Variants in WASHC3 observed in about 807,000 individuals in gnomAD.
The protein encoded by WASHC3 is WASH complex subunit 3, also known as WASH complex subunit CCDC53.
A neutral mutation model predicts 26.1 loss-of-function variants in WASHC3; 24 were observed. That is an observed-to-expected ratio of 0.92 (90% CI 0.66 to 1.29). The LOEUF (loss-of-function observed/expected upper bound fraction) is 1.29, where lower values mean the gene tolerates loss of function less well. WASHC3 is among the 50% of genes most tolerant of loss of function. The pLI, the probability that WASHC3 is intolerant of heterozygous loss-of-function variation, is 0.00. For synonymous variants in WASHC3, 77 were observed against 75.7 expected, an observed-to-expected ratio of 1.02 and a Z score of -0.09; for missense variants, 214 against 229.6, an observed-to-expected ratio of 0.93 and a Z score of 0.44.
At chr12:102,041,975 G>C (rs1329190992) in intron 4 of WASHC3, among the ~76,000 whole-genome samples, 2 of 151,986 alleles carry the variant, frequency 1.3e-5, no homozygotes, top group African/African-American at 4.8e-5. Context: ...AAACACAACT[G>C]CATAAGAATT....
intron 4 of WASHC3, 47 bp from the exon 5 acceptor site, chr12:102,040,025 G>T (rs767352405): frequency 1.2e-6 from 1 of 820,966 alleles, no homozygotes; most frequent in South Asian, 2.0e-5. Flanking sequence ...TACAAAAGGG[G>T]TCTATCATGT....
intron 2 of WASHC3, among the ~76,000 whole-genome samples, chr12:102,058,505 C>T (rs935907216): frequency 1.3e-5 from 2 of 151,938 alleles, no homozygotes; most frequent in Admixed American, 1.3e-4. Context: ...TTTTGCACAG[C>T]CAACGAAACC....
At chr12:102,041,025 C>G (rs1246011457) in intron 4 of WASHC3, among the ~76,000 whole-genome samples, 3 of 151,670 alleles carry the variant, frequency 2.0e-5, no homozygotes, top group African/African-American at 7.3e-5. Flanking sequence ...CTGTCAAAAA[C>G]TACAAAGCAA....
At chr12:102,027,181 A>C (rs1445463557) in intron 5 of WASHC3, among the ~76,000 whole-genome samples, 2 of 152,202 alleles carry the variant, frequency 1.3e-5, no homozygotes, top group Admixed American at 1.3e-4. Context: ...TTGCGGTAAG[A>C]ACTTTTAAAA....
chr12:102,038,042 G>A (rs1178045650), intron 5 of WASHC3, among the ~76,000 whole-genome samples: 3 of 152,086 alleles, frequency 2.0e-5, no homozygotes, highest in East Asian at 1.9e-4. Context: ...TGATCCGCCC[G>A]CCTCGGCCTC....
intron 5 of WASHC3, among the ~76,000 whole-genome samples, chr12:102,032,510 A>G (rs1463678259): frequency 6.6e-6 from 1 of 152,192 alleles, no homozygotes; most frequent in Non-Finnish European, 1.5e-5. Flanking sequence ...TATGACAAAC[A>G]TTAAATCAAA....
intron 2 of WASHC3, among the ~76,000 whole-genome samples, chr12:102,049,355 C>T (rs1349615238): frequency 6.6e-6 from 1 of 152,178 alleles, no homozygotes; most frequent in Non-Finnish European, 1.5e-5. Flanking sequence ...GCTGTTCTCA[C>T]CTCTGAAAGT....
intron 2 of WASHC3, among the ~76,000 whole-genome samples, chr12:102,058,655 A>G (rs1048342934): frequency 6.6e-6 from 1 of 152,122 alleles, no homozygotes; most frequent in African/African-American, 2.4e-5. Flanking sequence ...GGTTCCACAA[A>G]AAATTAAAAA....
At chr12:102,022,041 C>T (rs1876982770) in intron 6 of WASHC3, among the ~76,000 whole-genome samples, 1 of 152,122 alleles carries the variant, frequency 6.6e-6, no homozygotes, top group Admixed American at 6.6e-5. Context: ...TCAAAGTCTG[C>T]AGAGTAACTT....
At chr12:102,033,301 T>G (rs1877510235) in intron 5 of WASHC3, among the ~76,000 whole-genome samples, 1 of 152,108 alleles carries the variant, frequency 6.6e-6, no homozygotes, top group Non-Finnish European at 1.5e-5. Flanking sequence ...AGTCTGCAAA[T>G]TAAAGCTTTC....
At chr12:102,028,910 C>T (rs1198023091) in intron 5 of WASHC3, among the ~76,000 whole-genome samples, 1 of 152,028 alleles carries the variant, frequency 6.6e-6, no homozygotes, top group African/African-American at 2.4e-5. Context: ...GGCCTGCTTA[C>T]AGCAGAACAG....
intron 6 of WASHC3, among the ~76,000 whole-genome samples, chr12:102,025,222 A>G (rs902571943): frequency 1.3e-5 from 2 of 152,132 alleles, no homozygotes; most frequent in African/African-American, 4.8e-5. Context: ...TACAGCCCCA[A>G]ATTGGAAAGA....
intron 6 of WASHC3, among the ~76,000 whole-genome samples, chr12:102,025,295 T>G (rs1594351432): frequency 1.3e-5 from 2 of 152,268 alleles, no homozygotes; most frequent in African/African-American, 4.8e-5. Flanking sequence ...TTACGATATA[T>G]TTTATCCAAG....
At chr12:102,046,260 A>G (rs1878159671) in intron 2 of WASHC3, 141 bp from the exon 3 acceptor site, 2 of 540,948 alleles carry the variant, frequency 3.7e-6, no homozygotes, top group Non-Finnish European at 6.7e-6. Context: ...CATGAGTAGG[A>G]ATGAGAACTC....
intron 4 of WASHC3, 99 bp downstream of exon 4, chr12:102,044,006 T>C: frequency 1.9e-6 from 1 of 538,406 alleles, no homozygotes; most frequent in Non-Finnish European, 3.3e-6. Context: ...AATTTTACTA[T>C]TAGAAGTTTT....
chr12:102,014,564 T>C (rs543090949), intron 6 of WASHC3, among the ~76,000 whole-genome samples: 1 of 152,340 alleles, frequency 6.6e-6, no homozygotes, highest in Admixed American at 6.5e-5. Context: ...TTTTTAAATA[T>C]ATTTGGCATA....
At chr12:102,022,206 T>G (rs994161528) in intron 6 of WASHC3, among the ~76,000 whole-genome samples, 1 of 152,152 alleles carries the variant, frequency 6.6e-6, no homozygotes, top group Non-Finnish European at 1.5e-5. Context: ...GAAAACAATA[T>G]AATTTAAAAA....
chr12:102,031,191 T>G (rs1448106879), intron 5 of WASHC3, among the ~76,000 whole-genome samples: 1 of 152,226 alleles, frequency 6.6e-6, no homozygotes, highest in African/African-American at 2.4e-5. Flanking sequence ...TGAAATTTCT[T>G]GTCAAAAGTA....
chr12:102,015,422 CT>C (rs1334085909), intron 6 of WASHC3, among the ~76,000 whole-genome samples: 1 of 152,168 alleles, frequency 6.6e-6, no homozygotes, highest in African/African-American at 2.4e-5. Context: ...AGAATATAGG[CT>C]CTGGGTACAG....
Sources: gnomAD v4.1 joint callset for allele counts (sites outside exome capture counted in the v4.1 genomes callset) on GRCh38, gnomAD v4.1.1 for gene constraint, MANE v1.5 for transcripts, NCBI Gene and HGNC (gene_info 2026-07-23, HGNC 2026-07-21) for gene names.